Variants in PPM1H observed in about 807,000 individuals in gnomAD.
PPM1H encodes protein phosphatase, Mg2+/Mn2+ dependent 1H.
A neutral mutation model predicts 54.9 loss-of-function variants in PPM1H; 27 were observed. The observed-to-expected ratio is 0.49, with a 90% CI of 0.36 to 0.68. PPM1H has a LOEUF of 0.68. PPM1H is among the 30% of genes least tolerant of loss of function. The probability of loss-of-function intolerance (pLI) is 0.00; values close to 1 mark genes in which losing one functional copy is unlikely to be tolerated. For missense variants in PPM1H, 596 were observed against 667.8 expected, an observed-to-expected ratio of 0.89 and a Z score of 1.19; for synonymous variants, 305 against 270.8, an observed-to-expected ratio of 1.13 and a Z score of -1.24.
intron 1 of PPM1H, among the ~76,000 whole-genome samples, chr12:62,892,950 C>G (rs983419589): frequency 1.3e-5 from 2 of 152,202 alleles, no homozygotes; most frequent in African/African-American, 4.8e-5. Flanking sequence ...TGGTCCCTCA[C>G]TTGTGACTTG....
intron 6 of PPM1H, among the ~76,000 whole-genome samples, chr12:62,715,005 G>T (rs92476): frequency 0.56 from 85,624 of 152,036 alleles, 27,550 homozygotes; most frequent in African/African-American, 0.87. Context: ...TGCCACCCCA[G>T]GTGGCTGGAC....
intron 1 of PPM1H, among the ~76,000 whole-genome samples, chr12:62,896,190 C>T (rs1200799473): frequency 6.6e-6 from 1 of 152,140 alleles, no homozygotes; most frequent in Non-Finnish European, 1.5e-5. Flanking sequence ...GTGTTATGGG[C>T]AAGGACTTCA....
chr12:62,794,654 C>T (rs1404983447), intron 3 of PPM1H, among the ~76,000 whole-genome samples: 1 of 152,098 alleles, frequency 6.6e-6, no homozygotes, highest in Admixed American at 6.5e-5. Flanking sequence ...TGGTTCTGAT[C>T]CCTAGGAGGG....
At chr12:62,843,495 T>C (rs1868835143) in intron 1 of PPM1H, among the ~76,000 whole-genome samples, 1 of 152,234 alleles carries the variant, frequency 6.6e-6, no homozygotes, top group African/African-American at 2.4e-5. Flanking sequence ...TTCTGATATC[T>C]TCTTATAGCA....
At chr12:62,694,120 C>T in intron 6 of PPM1H, 121 bp from the exon 7 acceptor site, 2 of 819,160 alleles carry the variant, frequency 2.4e-6, no homozygotes, top group South Asian at 1.7e-5. Context: ...ACACTGACTA[C>T]CTCTTCCTTT....
intron 6 of PPM1H, among the ~76,000 whole-genome samples, chr12:62,719,547 T>C (rs1356671064): frequency 6.6e-6 from 1 of 152,196 alleles, no homozygotes; most frequent in Non-Finnish European, 1.5e-5. Flanking sequence ...TAGTCAACAT[T>C]AGCCACTGCT....
At chr12:62,922,627 C>T (rs1449259768) in intron 1 of PPM1H, among the ~76,000 whole-genome samples, 1 of 152,172 alleles carries the variant, frequency 6.6e-6, no homozygotes, top group Non-Finnish European at 1.5e-5. Context: ...TTAAATTTTA[C>T]AGCCGTTTAG....
At chr12:62,699,565 A>G (rs1204861602) in intron 6 of PPM1H, among the ~76,000 whole-genome samples, 7 of 152,238 alleles carry the variant, frequency 4.6e-5, no homozygotes, top group African/African-American at 1.4e-4. Context: ...GGAGAAGCAC[A>G]GAAGACAGAC....
At chr12:62,809,699 AC>A (rs1480935861) in intron 2 of PPM1H, among the ~76,000 whole-genome samples, 3 of 152,020 alleles carry the variant, frequency 2.0e-5, no homozygotes, top group Non-Finnish European at 2.9e-5. Flanking sequence ...ATCTTCAGTT[AC>A]TCCCTACTGC....
chr12:62,666,875 A>G (rs926706885), intron 9 of PPM1H, among the ~76,000 whole-genome samples: 5 of 152,048 alleles, frequency 3.3e-5, no homozygotes, highest in African/African-American at 4.8e-5. Flanking sequence ...CACCATGCCC[A>G]GCTAATTTTT....
In PPM1H at chr12:62,844,976, A is replaced by G. The variant is rs966572486; in HGVS notation, c.246-12697T>C. Among the ~76,000 whole-genome samples, 2 of 152,362 alleles carry G rather than the reference A, an allele frequency of 1.3e-5. No individual in the cohort carries two copies. Among genetic ancestry groups the G allele is most frequent in the South Asian group, 2.1e-4 (1 of 4,826 alleles). ...AAGTGACCCCTAAACATTCTCCAGC[A>G]AAGAAGTAGCTGATAGATGTCAGAG... On this transcript the variant is annotated intron_variant, in intron 1 of 9. Transcript: ENST00000228705. This position sits in a 1 kb window ranked among gnomAD's most constrained non-coding sequence, Gnocchi z 5.2.
At chr12:62,849,933 AT>A (rs1358589078) in intron 1 of PPM1H, among the ~76,000 whole-genome samples, 1 of 152,148 alleles carries the variant, frequency 6.6e-6, no homozygotes, top group Non-Finnish European at 1.5e-5. Flanking sequence ...ATAAATAGCA[AT>A]TTACAGAGTA....
chr12:62,690,609 A>G (rs577363235), intron 7 of PPM1H, among the ~76,000 whole-genome samples: 2 of 152,230 alleles, frequency 1.3e-5, no homozygotes, highest in Admixed American at 1.3e-4. Flanking sequence ...CCAAACATTT[A>G]TTGGGTGCCT....
chr12:62,673,186 G>C (rs1173066340), intron 8 of PPM1H, among the ~76,000 whole-genome samples: 1 of 152,194 alleles, frequency 6.6e-6, no homozygotes, highest in Non-Finnish European at 1.5e-5. Context: ...AATGTGCTCT[G>C]AATGAGCCAA....
chr12:62,768,153 C>T (rs2076555284), intron 4 of PPM1H, among the ~76,000 whole-genome samples: 1 of 152,164 alleles, frequency 6.6e-6, no homozygotes, highest in Admixed American at 6.6e-5. Flanking sequence ...GTGGTTGAAA[C>T]TGAGTCATGT....
At chr12:62,846,717 C>A (rs1205198231) in intron 1 of PPM1H, among the ~76,000 whole-genome samples, 2 of 152,216 alleles carry the variant, frequency 1.3e-5, no homozygotes, top group African/African-American at 4.8e-5. Context: ...AATGACCTAA[C>A]CTCCTCTTGT....
chr12:62,671,841 G>A (rs2075958494), intron 8 of PPM1H, among the ~76,000 whole-genome samples: 4 of 152,286 alleles, frequency 2.6e-5, no homozygotes, highest in Middle Eastern at 3.4e-3. Flanking sequence ...ACCCTAAGGA[G>A]GACCAAAGAG....
rs115714519 is a variant in PPM1H, at chr12:62,725,191, C to T, written c.955-4902G>A. Among the ~76,000 whole-genome samples the T allele has an allele frequency of 3.6e-3, 549 of 152,340 alleles. 3 individuals carry two copies. Among genetic ancestry groups the T allele is most frequent in the African/African-American group, 0.012 (518 of 41,582 alleles). On this transcript the variant is annotated intron_variant, in intron 5 of 9. Coordinates refer to ENST00000228705, the MANE Select transcript of PPM1H (RefSeq NM_020700.2). The stretch of plus-strand genomic sequence containing the variant: ...ATTAGTTGGATCCAGTGATGCTTAA[C>T]AAGCCCTTCACTTTTCTCTGCAGGA...
intron 7 of PPM1H, among the ~76,000 whole-genome samples, chr12:62,691,756 G>A (rs996910040): frequency 2.7e-5 from 4 of 150,582 alleles, no homozygotes; most frequent in African/African-American, 9.8e-5. Context: ...CTGGGATGTC[G>A]AGCCTGAAGT....
Sources: allele counts gnomAD v4.1 joint callset (sites outside exome capture counted in the v4.1 genomes callset), GRCh38; gene constraint gnomAD v4.1.1; non-coding constraint Gnocchi (gnomAD v3.1); transcripts MANE v1.5; gene names NCBI Gene and HGNC (gene_info 2026-07-23, HGNC 2026-07-21).